Variants in ZNF516 observed in about 807,000 individuals in gnomAD.
The protein encoded by ZNF516 is zinc finger protein 516.
Under a neutral mutation model 79.7 loss-of-function variants are expected in ZNF516, and 19 were observed. That is an observed-to-expected ratio of 0.24 (90% confidence interval 0.17 to 0.35). The LOEUF is 0.35. Ranked by LOEUF, ZNF516 falls within the 10% of genes least tolerant of loss-of-function variation. The pLI, the probability that ZNF516 is intolerant of heterozygous loss-of-function variation, is 1.00. For missense variants in ZNF516, 1,678 were observed against 1,679.5 expected (o/e 1.00, Z 0.02); for synonymous variants, 877 against 739.5 (o/e 1.19, Z -3.02).
chr18:76,377,389 G>A (rs892607487), intron 4 of ZNF516, among the ~76,000 whole-genome samples: 1 of 152,282 alleles, frequency 6.6e-6, no homozygotes, highest in African/African-American at 2.4e-5. Flanking sequence ...TAAGGCCTTT[G>A]CCAGCAAATC....
At chr18:76,373,590 G>A (rs1426830921) in intron 4 of ZNF516, among the ~76,000 whole-genome samples, 1 of 152,184 alleles carries the variant, frequency 6.6e-6, no homozygotes, top group East Asian at 1.9e-4. Context: ...CAAAAACTAA[G>A]TCATTATTCT....
rs375442836 is a variant in ZNF516 at position 76,379,121 on chromosome 18, G to C, written c.2993C>G (p.Pro998Arg). ...AKGEGGAPPL[P>R]PREPPSKAAQ... ...TGCCTTCGAGGGGGGCTCGCGGGGA[G>C]GTAGAGGAGGAGCGCCCCCTTCGCC... The change falls in exon 4 of 7, where the codon CCT (proline) becomes CGT (arginine). Residue 998 changes from proline to arginine, a missense_variant. This residue lies in a region of ZNF516 where 1,294 missense variants were observed against 1,248.3 expected (regional missense o/e 1.04). Transcript: ENST00000443185. The C allele has an allele frequency of 9.9e-6, 16 of 1,612,396 alleles. No individual in the cohort carries two copies. Among genetic ancestry groups the C allele is most frequent in the Non-Finnish European group, 1.4e-5 (16 of 1,179,702 alleles).
At chr18:76,430,815 T>C (rs2075651672) in intron 3 of ZNF516, among the ~76,000 whole-genome samples, 1 of 152,236 alleles carries the variant, frequency 6.6e-6, no homozygotes, top group African/African-American at 2.4e-5. Flanking sequence ...TACAGGAACA[T>C]ATTTGGCAGC....
intron 3 of ZNF516, among the ~76,000 whole-genome samples, chr18:76,429,844 G>A (rs1387755328): frequency 6.6e-6 from 1 of 152,188 alleles, no homozygotes; most frequent in Non-Finnish European, 1.5e-5. Flanking sequence ...ACACCGCACG[G>A]CTACCAGGCT....
Position 76,379,904 on chromosome 18 carries a change from G to A in ZNF516, c.2210C>T (p.Ala737Val), listed in dbSNP as rs1402760175. Residue 737 changes from alanine to valine, a missense_variant, in exon 4 of 7, where the codon GCG becomes GTG. Physicochemically the swap from Ala to Val is moderately conservative, Grantham distance 64. This residue lies in a region of ZNF516 where 1,294 missense variants were observed against 1,248.3 expected (regional missense o/e 1.04). Coordinates refer to ENST00000443185, the MANE Select transcript of ZNF516 (RefSeq NM_014643.4). Reference protein sequence around the residue: ...APDLMPLDLSARSTRDDPSNK... With the variant: ...APDLMPLDLSVRSTRDDPSNK... Reference sequence around the variant, plus strand: ...GCTGGGGTCATCCCGCGTCGACCTCGCACTTAAATCTAGCGGCATGAGGTC... The same window carrying A: ...GCTGGGGTCATCCCGCGTCGACCTCACACTTAAATCTAGCGGCATGAGGTC... The A allele has an allele frequency of 6.2e-6, 10 of 1,613,830 alleles. No individual in the cohort carries two copies. The highest frequency in any genetic ancestry group is 1.3e-5 in the African/African-American group (1 of 74,912).
chr18:76,473,218 A>G (rs1004939418), intron 1 of ZNF516, among the ~76,000 whole-genome samples: 23 of 152,070 alleles, frequency 1.5e-4, no homozygotes, highest in African/African-American at 4.8e-4. Context: ...AGGAAGCACA[A>G]AAGTTTTTTT....
At position 76,442,518 on chromosome 18, in the gene ZNF516, G is replaced by A. The variant is rs775401032; in HGVS notation, c.537C>T (p.Cys179=). The A allele has an allele frequency of 1.2e-6, 2 of 1,600,894 alleles. No homozygotes were observed. The highest frequency in any genetic ancestry group is 1.3e-5 in the African/African-American group (1 of 75,054). ...CCTTCTTACGCTCGAACTGGCTCTTGCAGAAGGAGCACTGGACCGCTGCCT... is the reference window on the plus strand; with the variant it reads ...CCTTCTTACGCTCGAACTGGCTCTTACAGAAGGAGCACTGGACCGCTGCCT... The part of the protein sequence containing the change: ...EAKAAVQCSF[C]KSQFERKKDL... The change falls in exon 3 of 7, where the codon TGC becomes TGT. Residue 179 remains cysteine (C), a synonymous_variant. Transcript: ENST00000443185.
At chr18:76,480,197 TTAG>T (rs889047965) in intron 1 of ZNF516, among the ~76,000 whole-genome samples, 14 of 150,522 alleles carry the variant, frequency 9.3e-5, no homozygotes, top group Non-Finnish European at 1.3e-4. Context: ...AAAAAAAAAC[TTAG>T]TAGTAATTCT....
chr18:76,382,008 T>C (rs1438114481), intron 3 of ZNF516, among the ~76,000 whole-genome samples: 1 of 152,118 alleles, frequency 6.6e-6, no homozygotes, highest in Non-Finnish European at 1.5e-5. Flanking sequence ...GGCACGCGCC[T>C]GAAGTCCCAG....
chr18:76,441,488 T>A lies in ZNF516; in HGVS notation c.1567A>T (p.Ile523Phe). 1 of 1,600,558 alleles carries A rather than the reference T, an allele frequency of 6.2e-7. No individual in the cohort carries two copies. The highest frequency in any genetic ancestry group is 8.5e-7 in the Non-Finnish European group (1 of 1,174,970). Reference sequence around the variant, plus strand: ...ACCATCTGATGATAGGTGCGGAAGATCTTGCCGCACTCGAAGCACTCGGAG... The same window carrying A: ...ACCATCTGATGATAGGTGCGGAAGAACTTGCCGCACTCGAAGCACTCGGAG... ...KSSECFECGK[I>F]FRTYHQMVLH... Residue 523 changes from isoleucine (I) to phenylalanine (F), a missense_variant, in exon 3 of 7, where the codon ATC (isoleucine) becomes TTC (phenylalanine). Physicochemically the swap from Ile to Phe is conservative, Grantham distance 21. This residue lies in a region of ZNF516 where 1,294 missense variants were observed against 1,248.3 expected (regional missense o/e 1.04). Transcript: ENST00000443185.
In ZNF516 at chr18:76,491,435, G is replaced by C. The variant is rs1019644063; in HGVS notation, c.-272+3709C>G. On this transcript the variant is annotated intron_variant, in intron 1 of 6. Transcript: ENST00000443185. Reference sequence around the variant, plus strand: ...CCGCCCCGCCCGCCCCCGCCCCCCGGCCCGCACAGACCCCCGCCTTTGTTA... The same window carrying C: ...CCGCCCCGCCCGCCCCCGCCCCCCGCCCCGCACAGACCCCCGCCTTTGTTA... 3.1e-5 allele frequency among the ~76,000 whole-genome samples: 4 copies of C among 130,990 alleles called. No individual in the cohort carries two copies. In the East Asian group the frequency reaches 9.7e-4, roughly 32 times the overall value. The allele number at this position is 130,990 out of a possible 152,430, so 85.9% of individuals were successfully genotyped here.
At chr18:76,465,622 C>T (rs1236048655) in intron 1 of ZNF516, among the ~76,000 whole-genome samples, 1 of 152,170 alleles carries the variant, frequency 6.6e-6, no homozygotes, top group Non-Finnish European at 1.5e-5. Context: ...CAAGACCAAC[C>T]CCTGATGTGC....
At chr18:76,461,876 C>A (rs1913134633) in intron 2 of ZNF516, among the ~76,000 whole-genome samples, 1 of 152,206 alleles carries the variant, frequency 6.6e-6, no homozygotes, top group Non-Finnish European at 1.5e-5. Flanking sequence ...AGGCGAGAAA[C>A]CCTGGGCAGC....
chr18:76,395,925 T>C (rs1045483684), intron 3 of ZNF516, among the ~76,000 whole-genome samples: 1 of 152,168 alleles, frequency 6.6e-6, no homozygotes, highest in African/African-American at 2.4e-5. Flanking sequence ...CGTCCGGAAG[T>C]GCGCAAAGCT....
At chr18:76,471,411 C>A (rs796912864) in intron 1 of ZNF516, among the ~76,000 whole-genome samples, 3 of 152,294 alleles carry the variant, frequency 2.0e-5, no homozygotes, top group African/African-American at 7.2e-5. Flanking sequence ...TGGGCCAACT[C>A]TCATTTCTCT....
chr18:76,492,361 C>G (rs1409274479), intron 1 of ZNF516: 2 of 985,214 alleles, frequency 2.0e-6, no homozygotes, highest in Non-Finnish European at 1.2e-6. Flanking sequence ...GTGGGGTGGC[C>G]GGTGACGCGC....
chr18:76,399,942 C>T (rs185441596), intron 3 of ZNF516, among the ~76,000 whole-genome samples: 51 of 152,224 alleles, frequency 3.4e-4, no homozygotes, highest in African/African-American at 1.2e-3. Context: ...GCTCTTTGGC[C>T]TAGTTTGGTC....
At chr18:76,407,040 C>A (rs1203701553) in intron 3 of ZNF516, among the ~76,000 whole-genome samples, 1 of 152,198 alleles carries the variant, frequency 6.6e-6, no homozygotes, top group African/African-American at 2.4e-5. Flanking sequence ...TTCTCTCGTG[C>A]ACAGGCTGGG....
At chr18:76,368,748 C>CATATAAT (rs2074657927) in intron 6 of ZNF516, among the ~76,000 whole-genome samples, 1 of 152,166 alleles carries the variant, frequency 6.6e-6, no homozygotes, top group Non-Finnish European at 1.5e-5. Context: ...TATTGTTACT[C>CATATAAT]ATATAATAAA....
Sources: gnomAD v4.1 joint callset for allele counts (sites outside exome capture counted in the v4.1 genomes callset) on GRCh38, gnomAD v4.1.1 for gene constraint, gnomAD v4.1.1 regional missense constraint, MANE v1.5 for transcripts, NCBI Gene and HGNC (gene_info 2026-07-23, HGNC 2026-07-21) for gene names.